ALK: variants seen among roughly 807,000 people sequenced by gnomAD.
ALK encodes the protein ALK tyrosine kinase receptor.
A neutral mutation model predicts 163.1 loss-of-function variants in ALK; 74 were observed. That is an observed-to-expected ratio of 0.45 (90% CI 0.38 to 0.55). The LOEUF (loss-of-function observed/expected upper bound fraction) is 0.55. Among genes scored for constraint, ALK ranks in the 20% least tolerant of loss-of-function variants. The pLI is 0.00. For missense variants in ALK, 2,063 were observed against 2,105.3 expected, an observed-to-expected ratio of 0.98 and a Z score of 0.39; for synonymous variants, 960 against 843.2, an observed-to-expected ratio of 1.14 and a Z score of -2.40.
At chr2:29,361,349 A>G (rs1668384238) in intron 5 of ALK, among the ~76,000 whole-genome samples, 1 of 152,144 alleles carries the variant, frequency 6.6e-6, no homozygotes, top group Non-Finnish European at 1.5e-5. Flanking sequence ...ATAATATTCC[A>G]CATTCCAAGT....
At position 29,364,110 on chromosome 2, in the gene ALK, G is replaced by T. The variant is rs145672699; in HGVS notation, c.1282+19622C>A. ...TATTACTGTACTAATATTCTACATT[G>T]AATTAGAATCCTTCATGGTTAGAGA... On this transcript the variant is annotated intron_variant, in intron 5 of 28. Transcript: ENST00000389048. 1.1e-3 allele frequency among the ~76,000 whole-genome samples: 164 copies of T among 152,254 alleles called. 1 individual carries two copies. Among genetic ancestry groups the T allele is most frequent in the African/African-American group, 3.3e-3 (138 of 41,542 alleles).
At chr2:29,778,078 A>G (rs1236501908) in intron 1 of ALK, among the ~76,000 whole-genome samples, 14 of 152,238 alleles carry the variant, frequency 9.2e-5, no homozygotes, top group Non-Finnish European at 1.6e-4. Context: ...GAATTACTAC[A>G]GCGGGTCTTC....
intron 12 of ALK, among the ~76,000 whole-genome samples, chr2:29,241,125 T>C (rs1448985236): frequency 6.6e-6 from 1 of 152,084 alleles, no homozygotes; most frequent in African/African-American, 2.4e-5. Context: ...TGGGCATTGA[T>C]GGGAGTTTAT....
intron 1 of ALK, among the ~76,000 whole-genome samples, chr2:29,755,821 AAG>A (rs1047383972): frequency 1.4e-4 from 22 of 152,182 alleles, no homozygotes; most frequent in African/African-American, 3.9e-4. Context: ...AGTGGCAAAA[AAG>A]AGTCGCAGCA....
At chr2:29,326,081 G>A (rs934313250) in intron 6 of ALK, among the ~76,000 whole-genome samples, 8 of 152,312 alleles carry the variant, frequency 5.3e-5, no homozygotes, top group Admixed American at 5.2e-4. Context: ...AGAACACAGT[G>A]GGGGTGTTCT....
At chr2:29,639,059 T>C (rs965815761) in intron 3 of ALK, among the ~76,000 whole-genome samples, 8 of 152,198 alleles carry the variant, frequency 5.3e-5, no homozygotes, top group African/African-American at 1.4e-4. Flanking sequence ...GCTGAAATTA[T>C]AGTCTTAGCT....
chr2:29,680,907 C>T (rs1678044746), intron 3 of ALK: 1 of 152,054 alleles, frequency 6.6e-6, no homozygotes, highest in Non-Finnish European at 1.5e-5. Context: ...TTTGTTTCTT[C>T]ATTTAGTAAC....
intron 1 of ALK, among the ~76,000 whole-genome samples, chr2:29,772,491 G>A (rs1027643134): frequency 1.3e-5 from 2 of 152,160 alleles, no homozygotes; most frequent in Admixed American, 6.5e-5. Flanking sequence ...ATGCAGGGGT[G>A]GGGTGGAGAA....
chr2:29,784,990 G>A (rs1260826316), intron 1 of ALK, among the ~76,000 whole-genome samples: 2 of 148,164 alleles, frequency 1.3e-5, no homozygotes, highest in Non-Finnish European at 3.0e-5. Context: ...ACAGAAGGGA[G>A]GATCAAGTCG....
intron 3 of ALK, among the ~76,000 whole-genome samples, chr2:29,574,506 C>T (rs1047756016): frequency 2.0e-5 from 3 of 152,242 alleles, no homozygotes; most frequent in Admixed American, 6.5e-5. Context: ...TTTGGTCCTG[C>T]CGGCCCTATA....
At chr2:29,581,477 C>G (rs187545897) in intron 3 of ALK, among the ~76,000 whole-genome samples, 1 of 152,158 alleles carries the variant, frequency 6.6e-6, no homozygotes, top group Non-Finnish European at 1.5e-5. Flanking sequence ...CTGGTGGAAC[C>G]CGCCCCTAGC....
intron 5 of ALK, among the ~76,000 whole-genome samples, chr2:29,329,881 A>G (rs1667388714): frequency 6.6e-6 from 1 of 152,198 alleles, no homozygotes; most frequent in Non-Finnish European, 1.5e-5. Flanking sequence ...CCTAAGTGGG[A>G]AAACTGAGGT....
intron 3 of ALK, among the ~76,000 whole-genome samples, chr2:29,628,739 A>T (rs1676269847): frequency 6.6e-6 from 1 of 152,238 alleles, no homozygotes; most frequent in African/African-American, 2.4e-5. Flanking sequence ...AAACTAGTTC[A>T]TGTGTGATCT....
rs145617225 is a variant in ALK, at chr2:29,905,912, C to T, written c.667+14081G>A. On this transcript the variant is annotated intron_variant, in intron 1 of 28. Coordinates refer to ENST00000389048, the MANE Select transcript of ALK (RefSeq NM_004304.5). The stretch of plus-strand genomic sequence containing the variant: ...CTGGCCCCACTCCTGGGCTCTCTGC[C>T]TTTCATCTCTGCATGGCCTTGGATA... Among the ~76,000 whole-genome samples, 25 of 152,312 alleles carry T rather than the reference C, an allele frequency of 1.6e-4. 1 individual carries two copies. The highest frequency in any genetic ancestry group is 6.0e-4 in the African/African-American group (25 of 41,562).
chr2:29,896,645 C>T (rs1667280345), intron 1 of ALK, among the ~76,000 whole-genome samples: 1 of 152,178 alleles, frequency 6.6e-6, no homozygotes, highest in South Asian at 2.1e-4. Flanking sequence ...ATTTCTGCTG[C>T]TTAAGCTTCC....
rs1298837509 is a variant in ALK, at chr2:29,831,204, G to GGGAAGA, written c.667+88783_667+88788dup. ...GGGGAAGGGGAAGGGGAAGGGGAAG[G>GGGAAGA]GGAAGAGGAAGAGGAAGAGGAAGAA... is the stretch of plus-strand genomic sequence containing the variant. On this transcript the variant is annotated intron_variant, in intron 1 of 28. Transcript: ENST00000389048. 1.6e-4 allele frequency among the ~76,000 whole-genome samples: 8 copies of GGGAAGA among 51,248 alleles called. 3 individuals are homozygous for GGGAAGA. Among genetic ancestry groups the GGGAAGA allele is most frequent in the South Asian group, 2.7e-3 (2 of 732 alleles). 33.6% of individuals were successfully genotyped at this position (51,248 alleles called of 152,430 possible).
At chr2:29,632,738 G>A (rs1676413752) in intron 3 of ALK, among the ~76,000 whole-genome samples, 1 of 152,180 alleles carries the variant, frequency 6.6e-6, no homozygotes. Flanking sequence ...AGAACTCACT[G>A]TTCCACATGG....
chr2:29,880,776 T>C (rs1666844303), intron 1 of ALK, among the ~76,000 whole-genome samples: 1 of 152,174 alleles, frequency 6.6e-6, no homozygotes, highest in Admixed American at 6.5e-5. Context: ...ATCCTAAGTG[T>C]TTCATGGAGC....
intron 1 of ALK, among the ~76,000 whole-genome samples, chr2:29,761,450 C>G (rs1307049194): frequency 6.6e-6 from 1 of 152,182 alleles, no homozygotes; most frequent in East Asian, 1.9e-4. Context: ...TAGCTCTCCC[C>G]CTTCTCAGCT....
Sources: gnomAD v4.1 joint callset for allele counts (sites outside exome capture counted in the v4.1 genomes callset) on GRCh38, gnomAD v4.1.1 for gene constraint, MANE v1.5 for transcripts, NCBI Gene and HGNC (gene_info 2026-07-23, HGNC 2026-07-21) for gene names.